RGS3: variants seen among roughly 807,000 people sequenced by gnomAD.
The protein encoded by RGS3 is regulator of G-protein signalling 3.
A neutral mutation model predicts 132.6 loss-of-function variants in RGS3; 80 were observed. The observed-to-expected ratio is 0.60, with a 90% CI of 0.50 to 0.73. The LOEUF (loss-of-function observed/expected upper bound fraction) is 0.73, where lower values mean the gene tolerates loss of function less well. RGS3 is among the 30% of genes least tolerant of loss of function. The pLI, the probability that RGS3 is intolerant of heterozygous loss-of-function variation, is 0.00. For missense variants in RGS3, 1,382 were observed against 1,530.8 expected (o/e 0.90, Z 1.62); for synonymous variants, 598 against 620.6 (o/e 0.96, Z 0.54).
chr9:113,534,596 T>C (rs1178795209), intron 18 of RGS3, among the ~76,000 whole-genome samples: 3 of 150,210 alleles, frequency 2.0e-5, no homozygotes, highest in Non-Finnish European at 2.9e-5. Context: ...TCTGTACATA[T>C]GTAGTACAGA....
chr9:113,447,190 A>G (rs1225842772), intron 1 of RGS3, among the ~76,000 whole-genome samples: 1 of 140,824 alleles, frequency 7.1e-6, no homozygotes, highest in Admixed American at 7.4e-5. Flanking sequence ...TGAACCCGGG[A>G]GGTAGAGGTT....
At chr9:113,545,140 C>A (rs1176965708) in intron 19 of RGS3, among the ~76,000 whole-genome samples, 1 of 152,118 alleles carries the variant, frequency 6.6e-6, no homozygotes, top group South Asian at 2.1e-4. Flanking sequence ...CACCCCTTCC[C>A]CTTTTGAATT....
intron 19 of RGS3, among the ~76,000 whole-genome samples, chr9:113,551,119 C>T (rs1217865352): frequency 6.6e-6 from 1 of 152,192 alleles, no homozygotes; most frequent in African/African-American, 2.4e-5. Context: ...AGCTATCATC[C>T]ATTATTTCCC....
At chr9:113,545,199 T>C (rs1331034574) in intron 19 of RGS3, among the ~76,000 whole-genome samples, 1 of 152,182 alleles carries the variant, frequency 6.6e-6, no homozygotes, top group Non-Finnish European at 1.5e-5. Flanking sequence ...TTGGCAGTGA[T>C]GGAATATTAG....
chr9:113,533,481 T>G (rs1312633522), intron 18 of RGS3, among the ~76,000 whole-genome samples: 1 of 152,216 alleles, frequency 6.6e-6, no homozygotes, highest in Admixed American at 6.5e-5. Context: ...TCTGCCTGCC[T>G]CAGCCTTTCA....
At chr9:113,550,222 G>C (rs201843510) in intron 19 of RGS3, among the ~76,000 whole-genome samples, 2 of 152,290 alleles carry the variant, frequency 1.3e-5, no homozygotes, top group South Asian at 4.1e-4. Context: ...AATTAGCCAG[G>C]CATGGTGGCG....
intron 19 of RGS3, among the ~76,000 whole-genome samples, chr9:113,546,883 C>G (rs887904520): frequency 1.3e-5 from 2 of 152,174 alleles, no homozygotes; most frequent in Admixed American, 6.5e-5. Flanking sequence ...TGCCTCGAGT[C>G]CTCATTTTGC....
At chr9:113,570,872 G>A (rs1053196283) in intron 19 of RGS3, among the ~76,000 whole-genome samples, 5 of 152,166 alleles carry the variant, frequency 3.3e-5, no homozygotes, top group Admixed American at 3.3e-4. Flanking sequence ...CTGACCTCAG[G>A]TGATCCGCCC....
At chr9:113,531,073 A>G (rs973880538) in intron 18 of RGS3, among the ~76,000 whole-genome samples, 3 of 152,198 alleles carry the variant, frequency 2.0e-5, no homozygotes, top group Non-Finnish European at 2.9e-5. Context: ...GAAAGGCCCA[A>G]TTGCCTGGGT....
At chr9:113,540,714 C>A (rs998854893) in intron 19 of RGS3, among the ~76,000 whole-genome samples, 3 of 152,250 alleles carry the variant, frequency 2.0e-5, no homozygotes, top group African/African-American at 7.2e-5. Flanking sequence ...ACGCACAGAG[C>A]AATCCATCAC....
chr9:113,514,733 TG>T, intron 15 of RGS3, 79 bp downstream of exon 13: 2 of 1,421,118 alleles, frequency 1.4e-6, no homozygotes, highest in Non-Finnish European at 1.9e-6. Context: ...GACTCAGGGA[TG>T]ATGACTTATC....
At chr9:113,595,477 AC>A in intron 23 of RGS3, 121 bp from the exon 22 acceptor site, 2 of 1,077,642 alleles carry the variant, frequency 1.9e-6, no homozygotes, top group South Asian at 3.1e-5. Flanking sequence ...GCTGTCGGGG[AC>A]GGGCATTGTA....
At chr9:113,509,775 CT>C (rs1427522926) in intron 14 of RGS3, among the ~76,000 whole-genome samples, 1 of 152,072 alleles carries the variant, frequency 6.6e-6, no homozygotes, top group African/African-American at 2.4e-5. Flanking sequence ...GTGCTTGTGC[CT>C]TTTGCGGGTG....
At chr9:113,490,316 C>T (rs1277949958) in intron 7 of RGS3, among the ~76,000 whole-genome samples, 2 of 152,036 alleles carry the variant, frequency 1.3e-5, no homozygotes, top group Non-Finnish European at 2.9e-5. Flanking sequence ...CATTTACACC[C>T]CATCCACTTT....
At chr9:113,588,404 C>T (rs2119012235) in intron 20 of RGS3, among the ~76,000 whole-genome samples, 1 of 152,296 alleles carries the variant, frequency 6.6e-6, no homozygotes, top group East Asian at 1.9e-4. Context: ...CCATGGATGG[C>T]CAGGGAGCCC....
chr9:113,471,446 CTT>C (rs760237268), intron 3 of RGS3, among the ~76,000 whole-genome samples: 9 of 152,180 alleles, frequency 5.9e-5, no homozygotes, highest in Admixed American at 1.3e-4. Flanking sequence ...TCCTCTCTCT[CTT>C]GTTGTTTATC....
intron 19 of RGS3, among the ~76,000 whole-genome samples, chr9:113,539,796 C>T (rs778495088): frequency 3.9e-5 from 6 of 152,182 alleles, no homozygotes; most frequent in East Asian, 1.9e-4. Flanking sequence ...ATTCACAAAA[C>T]GTAATAAGTG....
intron 1 of RGS3, among the ~76,000 whole-genome samples, chr9:113,451,645 A>G (rs1829248142): frequency 6.6e-6 from 1 of 151,148 alleles, no homozygotes; most frequent in Admixed American, 6.6e-5. Flanking sequence ...AGAAGGCAAC[A>G]TATGCAATTT....
At chr9:113,513,190 C>T (rs538666746) in intron 14 of RGS3, among the ~76,000 whole-genome samples, 4 of 152,232 alleles carry the variant, frequency 2.6e-5, no homozygotes, top group South Asian at 2.1e-4. Flanking sequence ...AGGGAAACTC[C>T]GTCTCAAACA....
Sources: allele counts gnomAD v4.1 joint callset (sites outside exome capture counted in the v4.1 genomes callset), GRCh38; gene constraint gnomAD v4.1.1; transcripts MANE v1.5; gene names NCBI Gene and HGNC (gene_info 2026-07-23, HGNC 2026-07-21).